The following ACP3 variants were observed in gnomAD, a reference collection of about 807,000 sequenced individuals.
ACP3 encodes prostatic acid phosphatase.
In ACP3, 38 loss-of-function variants were observed where a neutral mutation model predicts 45.6. The observed-to-expected ratio is 0.83, with a 90% confidence interval of 0.64 to 1.09. The LOEUF is 1.09. Ranked by LOEUF, ACP3 falls within the 50% of genes least tolerant of loss-of-function variation. ACP3 has a pLI of 0.00. For synonymous variants in ACP3, 162 were observed against 164.7 expected, an observed-to-expected ratio of 0.98 and a Z score of 0.13; for missense variants, 466 against 463.2, an observed-to-expected ratio of 1.01 and a Z score of -0.05.
At chr3:132,336,869 A>G (rs1049897036) in intron 4 of ACP3, among the ~76,000 whole-genome samples, 5 of 152,200 alleles carry the variant, frequency 3.3e-5, no homozygotes, top group Non-Finnish European at 7.4e-5. Flanking sequence ...AAATTATAAA[A>G]CACTGTCAAA....
At chr3:132,337,194 C>T (rs1304445307) in intron 4 of ACP3, among the ~76,000 whole-genome samples, 3 of 151,338 alleles carry the variant, frequency 2.0e-5, no homozygotes, top group East Asian at 3.9e-4. Context: ...AAATATTTAC[C>T]ACCAACAGCT....
At chr3:132,360,627 CT>C (rs1474724454), downstream of ACP3, among the ~76,000 whole-genome samples, 1 of 152,184 alleles carries the variant, frequency 6.6e-6, no homozygotes, top group Admixed American at 6.5e-5. Flanking sequence ...TGTCAAACTG[CT>C]TCTTTAATTC....
chr3:132,345,926 A>G (rs1305656327), intron 7 of ACP3, among the ~76,000 whole-genome samples: 1 of 152,230 alleles, frequency 6.6e-6, no homozygotes, highest in Non-Finnish European at 1.5e-5. Context: ...TATTAAAACT[A>G]GGGATAAAGA....
chr3:132,362,357 A>T (rs1475595925), downstream of ACP3, among the ~76,000 whole-genome samples: 1 of 152,190 alleles, frequency 6.6e-6, no homozygotes, highest in African/African-American at 2.4e-5. Flanking sequence ...TTCTTAGACC[A>T]ATTTCCAAAA....
intron 9 of ACP3, among the ~76,000 whole-genome samples, chr3:132,355,334 C>T (rs563597452): frequency 6.6e-6 from 1 of 152,272 alleles, no homozygotes; most frequent in Non-Finnish European, 1.5e-5. Flanking sequence ...AAGAGAATAA[C>T]AGAGTTTGAT....
chr3:132,325,404 A>T (rs1180613297), intron 1 of ACP3, among the ~76,000 whole-genome samples: 1 of 152,202 alleles, frequency 6.6e-6, no homozygotes, highest in African/African-American at 2.4e-5. Context: ...AAGTTTGCCC[A>T]AGTCTCATGA....
At chr3:132,323,540 G>A (rs983563209) in intron 1 of ACP3, among the ~76,000 whole-genome samples, 1 of 152,174 alleles carries the variant, frequency 6.6e-6, no homozygotes, top group African/African-American at 2.4e-5. Flanking sequence ...ATGGTCAAGG[G>A]ATGTCTCTCT....
chr3:132,349,712 G>A (rs1364153337), intron 7 of ACP3, among the ~76,000 whole-genome samples: 2 of 151,818 alleles, frequency 1.3e-5, no homozygotes, highest in African/African-American at 4.8e-5. Flanking sequence ...TAAAAATGAG[G>A]GTTGAGACGT....
At chr3:132,324,944 A>C (rs1333179403) in intron 1 of ACP3, among the ~76,000 whole-genome samples, 2 of 152,150 alleles carry the variant, frequency 1.3e-5, no homozygotes, top group Non-Finnish European at 2.9e-5. Flanking sequence ...CCTGGCCAGG[A>C]ATTGTTATTA....
At chr3:132,330,076 G>A (rs543401572) in intron 2 of ACP3, among the ~76,000 whole-genome samples, 3 of 151,724 alleles carry the variant, frequency 2.0e-5, no homozygotes, top group Non-Finnish European at 2.9e-5. Flanking sequence ...GCACCACCAC[G>A]CCTGGCTAAT....
intron 9 of ACP3, among the ~76,000 whole-genome samples, chr3:132,355,852 T>G (rs142299790): frequency 2.2e-4 from 33 of 152,360 alleles, no homozygotes; most frequent in African/African-American, 7.7e-4. Flanking sequence ...TTACTATGTT[T>G]ATATGGCTTT....
At chr3:132,321,529 T>A (rs1356502585) in intron 1 of ACP3, among the ~76,000 whole-genome samples, 1 of 152,326 alleles carries the variant, frequency 6.6e-6, no homozygotes, top group African/African-American at 2.4e-5. Flanking sequence ...TGAGAGTTGG[T>A]ACTGAGCCAG....
chr3:132,347,872 C>CACACACACACACACACACACA (rs781155077), intron 7 of ACP3, among the ~76,000 whole-genome samples: 3 of 149,970 alleles, frequency 2.0e-5, no homozygotes, highest in African/African-American at 7.4e-5. Flanking sequence ...CACACACACA[C>CACACACACACACACACACACA]CAAAAAAATC....
chr3:132,352,867 G>T, intron 9 of ACP3, 44 bp downstream of exon 9: 1 of 1,370,710 alleles, frequency 7.3e-7, no homozygotes, highest in South Asian at 1.2e-5. Flanking sequence ...ACTGGACCTT[G>T]GGTTTCATTA....
chr3:132,339,548 A>G (rs1004026832), intron 5 of ACP3, among the ~76,000 whole-genome samples: 3 of 152,136 alleles, frequency 2.0e-5, no homozygotes, highest in Non-Finnish European at 4.4e-5. Flanking sequence ...GGTTCCCACA[A>G]CTTCCTCTTT....
intron 2 of ACP3, among the ~76,000 whole-genome samples, chr3:132,331,393 G>T (rs1937395551): frequency 6.6e-6 from 1 of 152,188 alleles, no homozygotes; most frequent in South Asian, 2.1e-4. Flanking sequence ...TATCAACTAA[G>T]CACTTACTAT....
downstream of ACP3, among the ~76,000 whole-genome samples, chr3:132,359,650 C>G (rs763460958): frequency 2.0e-4 from 30 of 152,296 alleles, no homozygotes; most frequent in South Asian, 1.5e-3. Context: ...TCTCTCACCT[C>G]CTCTTGTAAA....
At chr3:132,367,978 C>T (rs768487143) in exon 11 of ACP3, 11 of 632,146 alleles carry the variant, frequency 1.7e-5, no homozygotes, top group Non-Finnish European at 2.8e-5. Flanking sequence ...CAGTGACCCA[C>T]AGGCTGCTGC....
chr3:132,325,539 T>A (rs1937282859), intron 1 of ACP3, among the ~76,000 whole-genome samples: 1 of 150,184 alleles, frequency 6.7e-6, no homozygotes, highest in Non-Finnish European at 1.5e-5. Flanking sequence ...ATATACATAG[T>A]TCACAGTGCC....
Sources: gnomAD v4.1 joint callset for allele counts (sites outside exome capture counted in the v4.1 genomes callset) on GRCh38, gnomAD v4.1.1 for gene constraint, MANE v1.5 for transcripts, NCBI Gene and HGNC (gene_info 2026-07-23, HGNC 2026-07-21) for gene names.